Variants in SCD5 observed in about 807,000 individuals in gnomAD.
SCD5 encodes the protein acyl-CoA-desaturase 4.
A neutral mutation model predicts 30.4 loss-of-function variants in SCD5; 20 were observed. The ratio of observed to expected loss-of-function variants is 0.66; its 90% CI spans 0.46 to 0.96. SCD5 has a LOEUF of 0.96. SCD5 is among the 40% of genes least tolerant of loss of function. The pLI is 0.00. For missense variants in SCD5, 381 were observed against 443.3 expected (o/e 0.86, Z 1.26); for synonymous variants, 173 against 176.4 (o/e 0.98, Z 0.16).
chr4:82,672,818 CAACAATGTATAAAAAG>C (rs1011533903), intron 3 of SCD5, among the ~76,000 whole-genome samples: 1 of 151,894 alleles, frequency 6.6e-6, no homozygotes, highest in African/African-American at 2.4e-5. Context: ...AAATTAAATC[CAACAATGTATAAAAAG>C]AATTATATAC....
At chr4:82,707,112 G>C (rs1719986846) in intron 1 of SCD5, among the ~76,000 whole-genome samples, 1 of 152,148 alleles carries the variant, frequency 6.6e-6, no homozygotes, top group African/African-American at 2.4e-5. Context: ...TGTTCAGTTG[G>C]ATGCTTACTA....
Position 82,700,927 on chromosome 4 carries a change from A to G in SCD5, c.363+4356T>C, listed in dbSNP as rs1578028020. 2.6e-5 allele frequency among the ~76,000 whole-genome samples: 4 copies of G among 152,238 alleles called. No individual in the cohort carries two copies. The South Asian group carries it at 6.2e-4, about 24-fold the overall frequency. On this transcript the variant is annotated intron_variant, in intron 2 of 4. Transcript: ENST00000319540. ...CTTCAGAGAGAAGAAAAATTATATCAGAAACCTGGATCTACATAAGTGAAG... is the reference window on the plus strand; with the variant it reads ...CTTCAGAGAGAAGAAAAATTATATCGGAAACCTGGATCTACATAAGTGAAG...
chr4:82,733,153 G>A (rs1356175006), intron 1 of SCD5, among the ~76,000 whole-genome samples: 2 of 152,128 alleles, frequency 1.3e-5, no homozygotes, highest in East Asian at 1.9e-4. Flanking sequence ...GTAACTGGGC[G>A]TACTCACAGA....
At chr4:82,678,693 A>G (rs182423227) in intron 3 of SCD5, among the ~76,000 whole-genome samples, 263 of 152,344 alleles carry the variant, frequency 1.7e-3, no homozygotes, top group African/African-American at 6.1e-3. Flanking sequence ...AAAGGGTGAG[A>G]CATAAAATTA....
At chr4:82,658,630 CTTTTTTTTTTT>C (rs57727794) in intron 3 of SCD5, among the ~76,000 whole-genome samples, 1 of 116,944 alleles carries the variant, frequency 8.6e-6, no homozygotes, top group Non-Finnish European at 1.7e-5. Flanking sequence ...CCACACCTGG[CTTTTTTTTTTT>C]TTTTTTTTTT....
rs535385338 is a variant in SCD5 at position 82,688,843 on chromosome 4, G to A, written c.364-7931C>T. 1.2e-4 allele frequency among the ~76,000 whole-genome samples: 19 copies of A among 152,170 alleles called. 1 individual carries two copies. Among genetic ancestry groups the A allele is most frequent in the African/African-American group, 4.3e-4 (18 of 41,520 alleles). Reference sequence around the variant, plus strand: ...TCTTTTGTTTAAATCTCTTAACAACGAGAATGTATTCAAATAAGACTTTTC... The same window carrying A: ...TCTTTTGTTTAAATCTCTTAACAACAAGAATGTATTCAAATAAGACTTTTC... On this transcript the variant is annotated intron_variant, in intron 2 of 4. Coordinates refer to ENST00000319540, the MANE Select transcript of SCD5 (RefSeq NM_001037582.3).
At chr4:82,716,704 C>G (rs1217403716) in intron 1 of SCD5, among the ~76,000 whole-genome samples, 1 of 151,746 alleles carries the variant, frequency 6.6e-6, no homozygotes, top group African/African-American at 2.4e-5. Context: ...ATCCCAGCTA[C>G]TCAGGAGGCT....
At chr4:82,702,359 G>T (rs1719868196) in intron 2 of SCD5, among the ~76,000 whole-genome samples, 1 of 151,654 alleles carries the variant, frequency 6.6e-6, no homozygotes, top group African/African-American at 2.4e-5. Context: ...TGGCCAGGCT[G>T]CTCTCGAACT....
intron 1 of SCD5, among the ~76,000 whole-genome samples, chr4:82,763,840 C>T (rs1401165776): frequency 2.6e-5 from 4 of 152,214 alleles, no homozygotes. Context: ...AATACAATTC[C>T]CTTTTTTCCT....
Position 82,773,755 on chromosome 4 carries a change from T to TG in SCD5, c.232+24550dup, listed in dbSNP as rs749969536. 7.2e-5 allele frequency among the ~76,000 whole-genome samples: 11 copies of TG among 151,970 alleles called. No individual in the cohort carries two copies. In the East Asian group the frequency reaches 1.7e-3, roughly 24 times the overall value. On this transcript the variant is annotated intron_variant, in intron 1 of 4. Transcript: ENST00000319540. ...TTTCTAGACATTGCCAAATGCCTCT[T>TG]GGGGGTGAGGGCTCAGTCCTGGTTG...
chr4:82,748,385 G>A (rs978973206), intron 1 of SCD5, among the ~76,000 whole-genome samples: 6 of 152,156 alleles, frequency 3.9e-5, no homozygotes, highest in East Asian at 1.9e-4. Context: ...TTTCTACCCA[G>A]TGTTTCTTTG....
intron 1 of SCD5, among the ~76,000 whole-genome samples, chr4:82,774,976 C>T (rs562388011): frequency 2.0e-4 from 30 of 152,296 alleles, no homozygotes; most frequent in African/African-American, 6.5e-4. Context: ...CTCTCTGCAG[C>T]GGCCAGTCTT....
Position 82,715,940 on chromosome 4 carries a change from A to C in SCD5, c.233-10527T>G, listed in dbSNP as rs568954326. The stretch of plus-strand genomic sequence containing the variant: ...CAACTGGTACTTGTGGCCACACTCA[A>C]GTATAAGGAGAGCTATATTTGGAGC... On this transcript the variant is annotated intron_variant, in intron 1 of 4. Transcript: ENST00000319540. Among the ~76,000 whole-genome samples, 4 of 151,968 alleles carry C rather than the reference A, an allele frequency of 2.6e-5. 1 individual carries two copies. The highest frequency in any genetic ancestry group is 2.6e-4 in the Admixed American group (4 of 15,290).
rs760991009 is a variant in SCD5 at position 82,661,034 on chromosome 4, C to A, written c.569+19673G>T. 4 of 1,613,856 alleles carry A rather than the reference C, an allele frequency of 2.5e-6. No homozygotes were observed. The African/African-American group carries it at 5.3e-5, about 22-fold the overall frequency. On this transcript the variant is annotated intron_variant, in intron 3 of 4. Transcript: ENST00000319540. Reference sequence around the variant, plus strand: ...CATTCACGAAGCATCTCACACGCTGCCTCTTGATTGAGAGCTCTTCCTTCT... The same window carrying A: ...CATTCACGAAGCATCTCACACGCTGACTCTTGATTGAGAGCTCTTCCTTCT...
chr4:82,643,744 AAGAG>A (rs1419711755), intron 3 of SCD5, among the ~76,000 whole-genome samples: 2 of 152,234 alleles, frequency 1.3e-5, no homozygotes, highest in Admixed American at 6.5e-5. Flanking sequence ...ACAATAAAGA[AAGAG>A]AAATACAAGG....
At chr4:82,632,328 T>G (rs1011308461) in intron 4 of SCD5, among the ~76,000 whole-genome samples, 2 of 152,120 alleles carry the variant, frequency 1.3e-5, no homozygotes, top group Admixed American at 1.3e-4. Context: ...GAATGATGGT[T>G]TCTAGCTTCA....
At chr4:82,670,015 C>A (rs1194806524) in intron 3 of SCD5, among the ~76,000 whole-genome samples, 1 of 152,166 alleles carries the variant, frequency 6.6e-6, no homozygotes, top group Non-Finnish European at 1.5e-5. Context: ...TAGAATGTAT[C>A]TCCTACCCCC....
At chr4:82,654,973 TC>T (rs1421697552) in intron 3 of SCD5, among the ~76,000 whole-genome samples, 1 of 152,218 alleles carries the variant, frequency 6.6e-6, no homozygotes, top group Admixed American at 6.5e-5. Flanking sequence ...TAAACTCTGT[TC>T]CTGAAGAATG....
At chr4:82,751,065 A>G (rs1721091740) in intron 1 of SCD5, among the ~76,000 whole-genome samples, 1 of 152,186 alleles carries the variant, frequency 6.6e-6, no homozygotes, top group Non-Finnish European at 1.5e-5. Flanking sequence ...TTTGTTTTCC[A>G]TGGTATCTTC....
Sources: gnomAD v4.1 joint callset for allele counts (sites outside exome capture counted in the v4.1 genomes callset) on GRCh38, gnomAD v4.1.1 for gene constraint, MANE v1.5 for transcripts, NCBI Gene and HGNC (gene_info 2026-07-23, HGNC 2026-07-21) for gene names.